The following ANXA1 variants were observed in gnomAD, a reference collection of about 807,000 sequenced individuals.
The protein encoded by ANXA1 is annexin A1.
ANXA1 carries 39 observed loss-of-function variants against 47.9 expected under a neutral mutation model. The observed-to-expected ratio is 0.81, with a 90% CI of 0.63 to 1.06. The LOEUF (loss-of-function observed/expected upper bound fraction) is 1.06. Ranked by LOEUF, ANXA1 falls within the 50% of genes least tolerant of loss-of-function variation. The pLI, the probability that ANXA1 is intolerant of heterozygous loss-of-function variation, is 0.00. For missense variants in ANXA1, 446 were observed against 422.7 expected, an observed-to-expected ratio of 1.06 and a Z score of -0.48; for synonymous variants, 146 against 142.5, an observed-to-expected ratio of 1.02 and a Z score of -0.17.
At chr9:73,156,995 A>T (rs1395578065) in intron 1 of ANXA1, among the ~76,000 whole-genome samples, 3 of 152,202 alleles carry the variant, frequency 2.0e-5, no homozygotes, top group Non-Finnish European at 2.9e-5. Context: ...CTCATTAAAT[A>T]AAAATATTGC....
chr9:73,165,712 A>G (rs1824217692), intron 9 of ANXA1, among the ~76,000 whole-genome samples: 1 of 152,102 alleles, frequency 6.6e-6, no homozygotes, highest in Admixed American at 6.6e-5. Context: ...AAAGTTCACC[A>G]TCTTATAATA....
At chr9:73,154,368 A>C (rs757753026) in intron 1 of ANXA1, 3 of 1,364,668 alleles carry the variant, frequency 2.2e-6, no homozygotes, top group Admixed American at 1.9e-5. Flanking sequence ...AACACTGATC[A>C]TGTCATTTTC....
chr9:73,158,935 C>T (rs1277950751), intron 3 of ANXA1, 132 bp downstream of exon 3: 6 of 766,242 alleles, frequency 7.8e-6, no homozygotes, highest in African/African-American at 5.3e-5. Context: ...CTTTGCCAAA[C>T]GAAGATGTAA....
In ANXA1 at chr9:73,158,851, C is replaced by T. The variant is rs576441840; in HGVS notation, c.175+48C>T. 15 of 1,422,940 alleles carry T rather than the reference C, an allele frequency of 1.1e-5. No homozygotes were observed. The Admixed American group carries it at 2.3e-4, about 22-fold the overall frequency. 88.1% of individuals were successfully genotyped at this position (1,422,940 alleles called of 1,614,324 possible). A position where few individuals can be genotyped will look rare whatever the true frequency, so the allele number is the denominator to read the frequency against. The stretch of plus-strand genomic sequence containing the variant: ...TTCCCTCCTGGACATTTCAGAATGG[C>T]TATTTGAATGACTGTCAAAAAACAG... On this transcript the variant is annotated intron_variant, in intron 3 of 12. Coordinates refer to ENST00000257497, the MANE Select transcript of ANXA1 (RefSeq NM_000700.3).
At position 73,165,122 on chromosome 9, in the gene ANXA1, T is replaced by A; in HGVS notation, c.619T>A (p.Tyr207Asn). ...DLADSDARAL[Y>N]EAGERRKGTD... The stretch of plus-strand genomic sequence containing the variant: ...CTTTTGTGTTTCTTGACAGGCCTTG[T>A]ATGAAGCAGGAGAAAGGAGAAAGGG... The change falls in exon 9 of 13, where the codon TAT becomes AAT. Residue 207 changes from tyrosine to asparagine, a missense_variant. Physicochemically the swap from Tyr to Asn is moderately radical, Grantham distance 143 (BLOSUM62 -2). Transcript: ENST00000257497. 1 of 1,612,384 alleles carries A rather than the reference T, an allele frequency of 6.2e-7. No homozygotes were observed. Among genetic ancestry groups the A allele is most frequent in the Non-Finnish European group, 8.5e-7 (1 of 1,178,862 alleles).
chr9:73,166,152 G>C lies in ANXA1; in HGVS notation c.762G>C (p.Leu254=). ...SKHDMNKVLD[L]ELKGDIEKCL... is the part of the protein sequence containing the mutation. ...ATGACATGAACAAAGTTCTGGACCT[G>C]GAGTTGAAAGGTGACATTGAGAAAT... is the stretch of plus-strand genomic sequence containing the variant. The change falls in exon 10 of 13, where the codon CTG becomes CTC. Residue 254 remains leucine (L), a synonymous_variant. Coordinates refer to ENST00000257497, the MANE Select transcript of ANXA1 (RefSeq NM_000700.3). The C allele has an allele frequency of 6.2e-7, 1 of 1,612,526 alleles. No homozygotes were observed. The highest frequency in any genetic ancestry group is 8.5e-7 in the Non-Finnish European group (1 of 1,179,122).
chr9:73,152,241 T>G (rs79551665), intron 1 of ANXA1, among the ~76,000 whole-genome samples: 2 of 152,122 alleles, frequency 1.3e-5, no homozygotes, highest in Non-Finnish European at 1.5e-5. Context: ...CTTAAAAGAA[T>G]GTGTTTTTCC....
rs1246577267 is a variant in ANXA1 at position 73,159,316 on chromosome 9, C to T, written c.176-13C>T. On this transcript the variant is annotated splice_polypyrimidine_tract_variant and intron_variant, in intron 3 of 12. Coordinates refer to ENST00000257497, the MANE Select transcript of ANXA1 (RefSeq NM_000700.3). ...AAAATTGGTGTTAAAGGCTGTTGGC[C>T]CTTTATTTCCAGGTGTGGATGAAGC... 1.2e-6 allele frequency: 2 copies of T among 1,609,318 alleles called. No individual in the cohort carries two copies. Among genetic ancestry groups the T allele is most frequent in the South Asian group, 1.1e-5 (1 of 90,822 alleles).
chr9:73,155,785 T>G (rs1824036495), intron 1 of ANXA1, among the ~76,000 whole-genome samples: 1 of 152,144 alleles, frequency 6.6e-6, no homozygotes, highest in Non-Finnish European at 1.5e-5. Context: ...CAGGCTAGAA[T>G]GTAGGAACTT....
In ANXA1 at chr9:73,163,480, A is replaced by C; in HGVS notation, c.560A>C (p.Asp187Ala). ...RNALLSLAKG[D>A]RSEDFGVNED... The stretch of plus-strand genomic sequence containing the variant: ...ATAGAATGGGATTTCTTTCAGGGTG[A>C]CCGATCTGAGGACTTTGGTGTGAAT... Residue 187 changes from aspartate to alanine, a missense_variant, in exon 8 of 13, where the codon GAC becomes GCC. Physicochemically the swap from Asp to Ala is moderately radical, Grantham distance 126. Coordinates refer to ENST00000257497, the MANE Select transcript of ANXA1 (RefSeq NM_000700.3). 6.2e-7 allele frequency: 1 copy of C among 1,612,870 alleles called. No individual in the cohort carries two copies. The highest frequency in any genetic ancestry group is 1.1e-5 in the South Asian group (1 of 91,050).
chr9:73,162,791 G>C lies in ANXA1; in HGVS notation c.485G>C (p.Arg162Thr), dbSNP rs1445612128. The C allele has an allele frequency of 6.2e-7, 1 of 1,612,264 alleles. No individual in the cohort carries two copies. Among genetic ancestry groups the C allele is most frequent in the Admixed American group, 1.7e-5 (1 of 59,776 alleles). The stretch of plus-strand genomic sequence containing the variant: ...TTTTCTTTTTTCTCAGAACTGAAGA[G>C]AGATCTGGCCAAAGACATAACCTCA... ...INRVYREELK[R>T]DLAKDITSDT... The change falls in exon 7 of 13, where the codon AGA (arginine) becomes ACA (threonine). Residue 162 changes from arginine to threonine, a missense_variant. By Grantham distance (71) the Arg-to-Thr change is moderately conservative. Coordinates refer to ENST00000257497, the MANE Select transcript of ANXA1 (RefSeq NM_000700.3).
chr9:73,163,638 A>G (rs1373176525), intron 8 of ANXA1, 106 bp downstream of exon 8: 1 of 1,112,926 alleles, frequency 9.0e-7, no homozygotes, highest in Non-Finnish European at 1.3e-6. Context: ...TGAGAGACCA[A>G]TGGCTTCTTA....
In ANXA1 at chr9:73,159,412, G is replaced by A; in HGVS notation, c.259G>A (p.Glu87Lys). ...RQQIKAAYLQ[E>K]TGKPLDETLK... ...ACAGATCAAAGCAGCATATCTCCAG[G>A]AAACAGGAAAGGTAAGTTAGAGTGG... The change falls in exon 4 of 13, where the codon GAA (glutamate) becomes AAA (lysine). Residue 87 changes from glutamate to lysine, a missense_variant. Coordinates refer to ENST00000257497, the MANE Select transcript of ANXA1 (RefSeq NM_000700.3). The A allele has an allele frequency of 6.2e-7, 1 of 1,612,618 alleles. No homozygotes were observed. Among genetic ancestry groups the A allele is most frequent in the Non-Finnish European group, 8.5e-7 (1 of 1,179,010 alleles).
intron 2 of ANXA1, 40 bp downstream of exon 2, chr9:73,158,641 A>T (rs540141537): frequency 6.8e-6 from 11 of 1,608,948 alleles, no homozygotes; most frequent in East Asian, 6.7e-5. Context: ...ACAATATTGA[A>T]ATAAAAACGA....
At chr9:73,168,880 G>GGTATGTGTGTGTGTGT in intron 11 of ANXA1, 152 bp from the exon 12 acceptor site, 1 of 401,832 alleles carries the variant, frequency 2.5e-6, no homozygotes, top group Non-Finnish European at 4.6e-6. Flanking sequence ...ATTCGTGTAA[G>GGTATGTGTGTGTGTGT]GTGTGTGTGT....
chr9:73,152,231 C>G (rs2118123666), intron 1 of ANXA1, among the ~76,000 whole-genome samples: 1 of 152,206 alleles, frequency 6.6e-6, no homozygotes, highest in East Asian at 1.9e-4. Flanking sequence ...CTCTGGTAGC[C>G]TTAAAAGAAT....
chr9:73,159,272 A>T, intron 3 of ANXA1, 57 bp from the exon 4 acceptor site: 1 of 1,307,160 alleles, frequency 7.7e-7, no homozygotes. Context: ...GAATTATTTT[A>T]TGTCAATTGA....
intron 1 of ANXA1, chr9:73,154,070 C>G: frequency 6.4e-6 from 2 of 314,776 alleles, no homozygotes; most frequent in South Asian, 4.9e-5. Context: ...GGAGGAGGAA[C>G]AAGCATTCCA....
At chr9:73,158,911 A>C in intron 3 of ANXA1, 108 bp downstream of exon 3, 1 of 926,940 alleles carries the variant, frequency 1.1e-6, no homozygotes, top group Non-Finnish European at 1.6e-6. Flanking sequence ...TTCATTTTGA[A>C]GATAAAAACA....
Sources: allele counts gnomAD v4.1 joint callset (sites outside exome capture counted in the v4.1 genomes callset), GRCh38; gene constraint gnomAD v4.1.1; transcripts MANE v1.5; gene names NCBI Gene and HGNC (gene_info 2026-07-23, HGNC 2026-07-21).